CYP7B1: variants seen among roughly 807,000 people sequenced by gnomAD.
CYP7B1 encodes cytochrome P450 family 7 subfamily B member 1.
CYP7B1 carries 29 observed loss-of-function variants against 42.7 expected under a neutral mutation model. That is an observed-to-expected ratio of 0.68 (90% confidence interval 0.51 to 0.93). The LOEUF is 0.93. CYP7B1 is among the 40% of genes least tolerant of loss of function. CYP7B1 has a pLI of 0.00. For synonymous variants in CYP7B1, 235 were observed against 218.2 expected (o/e 1.08, Z -0.68); for missense variants, 655 against 600.5 (o/e 1.09, Z -0.95).
intron 1 of CYP7B1, among the ~76,000 whole-genome samples, chr8:64,794,523 C>T (rs1033474104): frequency 8.5e-5 from 13 of 152,300 alleles, no homozygotes; most frequent in African/African-American, 2.9e-4. Flanking sequence ...TGAGGGCCCA[C>T]TTCCTGGTTC....
chr8:64,686,621 G>C (rs1806653933), intron 1 of CYP7B1, among the ~76,000 whole-genome samples: 2 of 56,136 alleles, frequency 3.6e-5, no homozygotes, highest in Non-Finnish European at 7.3e-5. Flanking sequence ...ACCCCGTCTG[G>C]GAGGTGTGCC....
chr8:64,652,625 A>T (rs1806056415), intron 1 of CYP7B1, among the ~76,000 whole-genome samples: 1 of 152,152 alleles, frequency 6.6e-6, no homozygotes, highest in Non-Finnish European at 1.5e-5. Flanking sequence ...CAGGCGGATC[A>T]CGAGGTCAGG....
chr8:64,682,043 G>A (rs1210881985), intron 1 of CYP7B1, among the ~76,000 whole-genome samples: 4 of 152,162 alleles, frequency 2.6e-5, no homozygotes, highest in African/African-American at 9.7e-5. Flanking sequence ...TGGAGTGGCA[G>A]GGGAAAGCTT....
At chr8:64,620,424 G>T (rs555283963) in intron 2 of CYP7B1, among the ~76,000 whole-genome samples, 1 of 152,216 alleles carries the variant, frequency 6.6e-6, no homozygotes, top group South Asian at 2.1e-4. Flanking sequence ...CTTTGCTGGG[G>T]TGACATCTAG....
chr8:64,629,830 T>G (rs575421703), intron 1 of CYP7B1, among the ~76,000 whole-genome samples: 1 of 152,334 alleles, frequency 6.6e-6, no homozygotes, highest in African/African-American at 2.4e-5. Context: ...TGCATGTTTG[T>G]CAGGATATCG....
At chr8:64,796,850 A>G (rs573238653) in intron 1 of CYP7B1, among the ~76,000 whole-genome samples, 34 of 152,242 alleles carry the variant, frequency 2.2e-4, no homozygotes, top group Non-Finnish European at 3.8e-4. Context: ...CTGTAAGAAT[A>G]TATCAGGGAC....
intron 1 of CYP7B1, among the ~76,000 whole-genome samples, chr8:64,767,430 G>A (rs895524527): frequency 6.6e-6 from 1 of 152,214 alleles, no homozygotes; most frequent in Admixed American, 6.5e-5. Flanking sequence ...CCCTAGTATG[G>A]GGTAATCCCC....
intron 2 of CYP7B1, among the ~76,000 whole-genome samples, chr8:64,619,163 C>T (rs1274427351): frequency 6.6e-6 from 1 of 152,112 alleles, no homozygotes; most frequent in Non-Finnish European, 1.5e-5. Flanking sequence ...AGATGCAAAA[C>T]CAGAGTTTCT....
intron 1 of CYP7B1, among the ~76,000 whole-genome samples, chr8:64,663,522 A>G (rs1317664790): frequency 2.6e-5 from 4 of 152,238 alleles, no homozygotes; most frequent in African/African-American, 4.8e-5. Flanking sequence ...ATTCATAGAC[A>G]GGGCCTCCTT....
intron 4 of CYP7B1, among the ~76,000 whole-genome samples, chr8:64,608,593 A>G (rs1437972614): frequency 6.6e-6 from 1 of 151,680 alleles, no homozygotes; most frequent in East Asian, 1.9e-4. Flanking sequence ...TCTTAAAGAG[A>G]AGGTGGTTAT....
intron 1 of CYP7B1, among the ~76,000 whole-genome samples, chr8:64,725,187 TC>T (rs1302110726): frequency 6.6e-6 from 1 of 152,252 alleles, no homozygotes; most frequent in Non-Finnish European, 1.5e-5. Flanking sequence ...GGCAGTGTTC[TC>T]TGAGTCTTTG....
intron 1 of CYP7B1, among the ~76,000 whole-genome samples, chr8:64,640,992 C>T (rs994708533): frequency 6.6e-6 from 1 of 152,142 alleles, no homozygotes; most frequent in Non-Finnish European, 1.5e-5. Context: ...AAAGACTCAG[C>T]TGGAATAACA....
chr8:64,610,254 T>A (rs1368728276), intron 4 of CYP7B1, among the ~76,000 whole-genome samples: 1 of 152,210 alleles, frequency 6.6e-6, no homozygotes, highest in African/African-American at 2.4e-5. Flanking sequence ...ATCAGTATTT[T>A]TCACTTTTTA....
intron 1 of CYP7B1, among the ~76,000 whole-genome samples, chr8:64,706,623 T>C (rs748505764): frequency 2.0e-5 from 3 of 152,044 alleles, no homozygotes; most frequent in Non-Finnish European, 2.9e-5. Context: ...ATCTTATCGA[T>C]TGGATTTAAT....
At chr8:64,624,951 CTTTTTTTTTTTTTTTTTTTTTTTTT>C (rs71260892) in intron 1 of CYP7B1, among the ~76,000 whole-genome samples, 32 of 54,064 alleles carry the variant, frequency 5.9e-4, no homozygotes, top group South Asian at 1.6e-3. Flanking sequence ...TTATATCATT[CTTTTTTTTTTTTTTTTTTTTTTTTT>C]TTTTTTTTTT....
chr8:64,730,730 C>T (rs1807395155), intron 1 of CYP7B1, among the ~76,000 whole-genome samples: 1 of 143,268 alleles, frequency 7.0e-6, no homozygotes, highest in Non-Finnish European at 1.5e-5. Context: ...AAATTGGAAC[C>T]CTGTGAAGCA....
intron 1 of CYP7B1, among the ~76,000 whole-genome samples, chr8:64,717,366 G>T (rs1375635673): frequency 6.6e-6 from 1 of 152,154 alleles, no homozygotes; most frequent in Non-Finnish European, 1.5e-5. Context: ...TGTGAAAATT[G>T]TACGACTGTT....
At chr8:64,683,275 T>A (rs1443564015) in intron 1 of CYP7B1, among the ~76,000 whole-genome samples, 1 of 152,190 alleles carries the variant, frequency 6.6e-6, no homozygotes, top group African/African-American at 2.4e-5. Context: ...AAGAATGAGA[T>A]CCTGTCATTT....
chr8:64,794,866 T>A (rs367989764), intron 1 of CYP7B1, among the ~76,000 whole-genome samples: 13 of 152,218 alleles, frequency 8.5e-5, no homozygotes, highest in African/African-American at 2.6e-4. Context: ...ATCTGCGTGC[T>A]AAAACAAAAA....
Sources: gnomAD v4.1 joint callset for allele counts (sites outside exome capture counted in the v4.1 genomes callset) on GRCh38, gnomAD v4.1.1 for gene constraint, MANE v1.5 for transcripts, NCBI Gene and HGNC (gene_info 2026-07-23, HGNC 2026-07-21) for gene names.